ARB2A: variants seen among roughly 807,000 people sequenced by gnomAD.
ARB2A encodes cotranscriptional regulator ARB2A.
chr5:93,927,276 G>A, the ARB2A span, among the ~76,000 whole-genome samples: 11 of 152,194 alleles, frequency 7.2e-5, no homozygotes, highest in Admixed American at 3.3e-4. Flanking sequence ...GCTTTGGAGT[G>A]AGATCTGGAT....
chr5:93,853,929 G>A, the ARB2A span, among the ~76,000 whole-genome samples: 1 of 152,116 alleles, frequency 6.6e-6, no homozygotes, highest in East Asian at 1.9e-4. Flanking sequence ...CTTTTTGGTT[G>A]TGTCTCTCCC....
At chr5:94,083,779 A>G in the ARB2A span, among the ~76,000 whole-genome samples, 8 of 152,040 alleles carry the variant, frequency 5.3e-5, no homozygotes, top group African/African-American at 7.2e-5. Context: ...TTCAAATGAT[A>G]TAACTATCTA....
the ARB2A span, among the ~76,000 whole-genome samples, chr5:94,017,199 T>C: frequency 2.6e-5 from 4 of 152,208 alleles, no homozygotes; most frequent in Admixed American, 6.5e-5. Context: ...GAAAGCAATA[T>C]GCATGTGTAA....
At chr5:94,033,582 G>C in the ARB2A span, among the ~76,000 whole-genome samples, 2 of 152,066 alleles carry the variant, frequency 1.3e-5, no homozygotes, top group Admixed American at 6.6e-5. Flanking sequence ...CTGCCACCAT[G>C]CCTGGCTAAT....
the ARB2A span, among the ~76,000 whole-genome samples, chr5:93,756,734 C>G: frequency 1.3e-5 from 2 of 152,078 alleles, no homozygotes; most frequent in African/African-American, 4.8e-5. Context: ...GCCTTCAAGC[C>G]CTAGACCTTC....
the ARB2A span, among the ~76,000 whole-genome samples, chr5:94,026,688 G>A: frequency 1.3e-5 from 2 of 152,190 alleles, no homozygotes; most frequent in African/African-American, 2.4e-5. Context: ...CAAATGGGAA[G>A]ACAAGTTCTC....
At chr5:94,061,808 A>C in the ARB2A span, among the ~76,000 whole-genome samples, 1 of 152,240 alleles carries the variant, frequency 6.6e-6, no homozygotes, top group South Asian at 2.1e-4. Context: ...ATTTAAATAG[A>C]CATATCAGGT....
the ARB2A span, among the ~76,000 whole-genome samples, chr5:94,025,523 G>A: frequency 2.0e-5 from 3 of 152,142 alleles, no homozygotes; most frequent in Non-Finnish European, 2.9e-5. Flanking sequence ...TATGAATGGC[G>A]TCAGAGATGG....
the ARB2A span, among the ~76,000 whole-genome samples, chr5:93,638,096 T>C: frequency 1.8e-4 from 28 of 152,254 alleles, no homozygotes; most frequent in Non-Finnish European, 3.8e-4. Flanking sequence ...GAGAGGACAA[T>C]TGGAAAGTCA....
chr5:93,968,202 C>T, the ARB2A span, among the ~76,000 whole-genome samples: 2 of 151,996 alleles, frequency 1.3e-5, no homozygotes, highest in Non-Finnish European at 2.9e-5. Flanking sequence ...CAAACAAAAC[C>T]CCCATGATCT....
At chr5:93,871,889 T>A in the ARB2A span, among the ~76,000 whole-genome samples, 12 of 151,558 alleles carry the variant, frequency 7.9e-5, no homozygotes, top group Non-Finnish European at 1.5e-4. Flanking sequence ...TACTCTGCCA[T>A]AATTCTTCCC....
chr5:93,902,389 A>G, the ARB2A span, among the ~76,000 whole-genome samples: 1 of 152,150 alleles, frequency 6.6e-6, no homozygotes, highest in Non-Finnish European at 1.5e-5. Flanking sequence ...GCTGGGAATC[A>G]GTAAAAAAGT....
chr5:94,066,115 A>G, the ARB2A span, among the ~76,000 whole-genome samples: 1 of 152,190 alleles, frequency 6.6e-6, no homozygotes, highest in South Asian at 2.1e-4. Context: ...CAAGGAAGAA[A>G]TTATGAAAAA....
chr5:93,767,966 C>G, the ARB2A span, among the ~76,000 whole-genome samples: 1 of 131,228 alleles, frequency 7.6e-6, no homozygotes, highest in Middle Eastern at 4.9e-3. Context: ...TGCACTCCAG[C>G]CTGGGCAACA....
chr5:93,634,423 AAAAC>A, the ARB2A span, among the ~76,000 whole-genome samples: 1 of 151,956 alleles, frequency 6.6e-6, no homozygotes, highest in African/African-American at 2.4e-5. Flanking sequence ...CAAAAAACAA[AAAAC>A]AAAAACCACA....
At chr5:93,846,000 GACACAC>G in the ARB2A span, among the ~76,000 whole-genome samples, 103,720 of 146,602 alleles carry the variant, frequency 0.71, 37,134 homozygotes, top group East Asian at 0.9. Flanking sequence ...CTCTCTCTGT[GACACAC>G]ACACACACAC....
the ARB2A span, among the ~76,000 whole-genome samples, chr5:94,063,071 C>T: frequency 6.6e-6 from 1 of 152,190 alleles, no homozygotes; most frequent in Non-Finnish European, 1.5e-5. Context: ...GGTGCAGTCA[C>T]TGCCGCCCAT....
At chr5:93,751,828 A>G in the ARB2A span, among the ~76,000 whole-genome samples, 1 of 152,236 alleles carries the variant, frequency 6.6e-6, no homozygotes, top group African/African-American at 2.4e-5. Context: ...ATGACAAGAC[A>G]GAGCAGGCTG....
the ARB2A span, among the ~76,000 whole-genome samples, chr5:93,883,089 A>C: frequency 1.3e-5 from 2 of 151,540 alleles, no homozygotes; most frequent in African/African-American, 4.8e-5. Flanking sequence ...TTGATTTCAC[A>C]AACTACTTAC....
Sources: gnomAD v4.1 joint callset for allele counts (sites outside exome capture counted in the v4.1 genomes callset) on GRCh38, gnomAD v4.1.1 for gene constraint, MANE v1.5 for transcripts, NCBI Gene and HGNC (gene_info 2026-07-23, HGNC 2026-07-21) for gene names.